Variants in ATG5 observed in about 807,000 individuals in gnomAD.
ATG5 encodes autophagy related 5, also known as autophagy protein 5.
Under a neutral mutation model 36.5 loss-of-function variants are expected in ATG5, and 14 were observed. The observed-to-expected ratio is 0.38, with a 90% CI of 0.25 to 0.60. The LOEUF is 0.60. Ranked by LOEUF, ATG5 falls within the 20% of genes least tolerant of loss-of-function variation. The probability of loss-of-function intolerance (pLI) is 0.60; values close to 1 mark genes in which losing one functional copy is unlikely to be tolerated. For missense variants in ATG5, 195 were observed against 326.7 expected (o/e 0.60, Z 3.11); for synonymous variants, 95 against 101.5 (o/e 0.94, Z 0.38).
At chr6:106,207,580 G>T (rs951915683) in intron 6 of ATG5, among the ~76,000 whole-genome samples, 2 of 151,728 alleles carry the variant, frequency 1.3e-5, no homozygotes, top group Non-Finnish European at 2.9e-5. Flanking sequence ...CAAAGAAAAA[G>T]TCTCTATTTC....
chr6:106,208,900 T>C (rs75163985), intron 6 of ATG5, among the ~76,000 whole-genome samples: 3,758 of 152,268 alleles, frequency 0.025, 65 homozygotes, highest in African/African-American at 0.049. Context: ...AGAGAATATA[T>C]AGGTGGCAAA....
intron 6 of ATG5, among the ~76,000 whole-genome samples, chr6:106,229,463 GGAGA>G (rs2114456639): frequency 6.6e-6 from 1 of 151,838 alleles, no homozygotes; most frequent in African/African-American, 2.4e-5. Context: ...GGGAGGACAG[GGAGA>G]GAGACAGAGA....
rs571698359 is a variant in ATG5 at position 106,251,997 on chromosome 6, C to T, written c.479-3753G>A. On this transcript the variant is annotated intron_variant, in intron 5 of 7. Coordinates refer to ENST00000369076, the MANE Select transcript of ATG5 (RefSeq NM_004849.4). ...CTGGGGTTATAGGCATGCATCATCA[C>T]GCCCGGCTAATTTTTGTATTTTTAG... is the stretch of plus-strand genomic sequence containing the variant. 1.1e-4 allele frequency among the ~76,000 whole-genome samples: 17 copies of T among 152,134 alleles called. No individual in the cohort carries two copies. The South Asian group carries it at 2.3e-3, about 20-fold the overall frequency.
chr6:106,287,401 CAGTT>C (rs1481898340), intron 4 of ATG5, among the ~76,000 whole-genome samples: 1 of 152,242 alleles, frequency 6.6e-6, no homozygotes, highest in Non-Finnish European at 1.5e-5. Context: ...GCTTGAAAGA[CAGTT>C]GGTTCAAAAA....
intron 7 of ATG5, among the ~76,000 whole-genome samples, chr6:106,199,582 C>G (rs768933198): frequency 1.2e-4 from 19 of 152,050 alleles, no homozygotes; most frequent in Admixed American, 1.0e-3. Context: ...CAAGTAAGTA[C>G]AAGGAGATGG....
intron 5 of ATG5, among the ~76,000 whole-genome samples, chr6:106,266,924 C>A (rs1287694728): frequency 6.6e-6 from 1 of 152,140 alleles, no homozygotes; most frequent in Non-Finnish European, 1.5e-5. Flanking sequence ...TGGAAGCATT[C>A]CCTTTGAAAA....
intron 6 of ATG5, among the ~76,000 whole-genome samples, chr6:106,235,014 T>A (rs1777839371): frequency 6.6e-6 from 1 of 152,114 alleles, no homozygotes; most frequent in African/African-American, 2.4e-5. Context: ...AATGTTGTTA[T>A]TATGTTAATC....
chr6:106,192,365 A>G (rs916103181), intron 7 of ATG5, among the ~76,000 whole-genome samples: 3 of 152,138 alleles, frequency 2.0e-5, no homozygotes, highest in African/African-American at 7.2e-5. Flanking sequence ...AATGGCTACT[A>G]ATTACCTTTC....
chr6:106,295,056 A>T (rs1562261085), intron 3 of ATG5, among the ~76,000 whole-genome samples: 1 of 151,556 alleles, frequency 6.6e-6, no homozygotes, highest in Non-Finnish European at 1.5e-5. Flanking sequence ...TTAAAAAAAA[A>T]TATACATACA....
chr6:106,233,688 G>A (rs1377626364), intron 6 of ATG5, among the ~76,000 whole-genome samples: 1 of 152,132 alleles, frequency 6.6e-6, no homozygotes, highest in Non-Finnish European at 1.5e-5. Flanking sequence ...ATCTCATAAC[G>A]TGAACGGCAT....
chr6:106,296,629 C>A (rs1769951647), intron 3 of ATG5, among the ~76,000 whole-genome samples: 1 of 152,046 alleles, frequency 6.6e-6, no homozygotes, highest in South Asian at 2.1e-4. Flanking sequence ...ACCAGGCTGA[C>A]CAATAAGGTG....
intron 6 of ATG5, among the ~76,000 whole-genome samples, chr6:106,233,757 C>A (rs61305922): frequency 0.024 from 3,699 of 151,718 alleles, 62 homozygotes; most frequent in African/African-American, 0.049. Context: ...TAACTAAAAT[C>A]GTAAATCCCC....
At chr6:106,253,119 T>A (rs868486275) in intron 5 of ATG5, among the ~76,000 whole-genome samples, 7 of 152,200 alleles carry the variant, frequency 4.6e-5, no homozygotes, top group Admixed American at 2.0e-4. Context: ...ATGTTAAACA[T>A]CTCTGTAAGA....
At chr6:106,240,264 T>G (rs1485306942) in intron 6 of ATG5, among the ~76,000 whole-genome samples, 3 of 150,426 alleles carry the variant, frequency 2.0e-5, no homozygotes, top group Admixed American at 2.0e-4. Flanking sequence ...TCAAGATGAA[T>G]TATACAGTTA....
At chr6:106,291,791 T>C (rs1258133112) in intron 4 of ATG5, among the ~76,000 whole-genome samples, 1 of 152,264 alleles carries the variant, frequency 6.6e-6, no homozygotes, top group Non-Finnish European at 1.5e-5. Flanking sequence ...TTCCTTGCTT[T>C]GCATGTAACA....
chr6:106,312,301 T>A (rs1770676512), intron 2 of ATG5, among the ~76,000 whole-genome samples: 2 of 152,168 alleles, frequency 1.3e-5, no homozygotes, highest in Admixed American at 6.5e-5. Context: ...TAAGAGTAGT[T>A]CTTCTTGCCA....
At chr6:106,255,369 C>T (rs927537790) in intron 5 of ATG5, among the ~76,000 whole-genome samples, 12 of 152,198 alleles carry the variant, frequency 7.9e-5, no homozygotes, top group Non-Finnish European at 1.3e-4. Flanking sequence ...TACAGCATAG[C>T]TTTATAAATG....
At chr6:106,316,523 C>A (rs188559112) in intron 1 of ATG5, among the ~76,000 whole-genome samples, 2 of 152,214 alleles carry the variant, frequency 1.3e-5, no homozygotes, top group East Asian at 3.9e-4. Context: ...AAGTACTGAA[C>A]CACAGTCAAA....
chr6:106,281,844 A>C (rs1441308075), intron 4 of ATG5, among the ~76,000 whole-genome samples: 2 of 152,196 alleles, frequency 1.3e-5, no homozygotes, highest in Non-Finnish European at 2.9e-5. Context: ...TGCTACTGTC[A>C]ATCTTTTTCA....
Sources: gnomAD v4.1 joint callset for allele counts (sites outside exome capture counted in the v4.1 genomes callset) on GRCh38, gnomAD v4.1.1 for gene constraint, MANE v1.5 for transcripts, NCBI Gene and HGNC (gene_info 2026-07-23, HGNC 2026-07-21) for gene names.